The following NRXN3 variants were observed in gnomAD, a reference collection of about 807,000 sequenced individuals.
NRXN3 encodes neurexin 3.
A neutral mutation model predicts 137.6 loss-of-function variants in NRXN3; 32 were observed. The observed-to-expected ratio is 0.23, with a 90% CI of 0.18 to 0.31. NRXN3 has a LOEUF of 0.31. Ranked by LOEUF, NRXN3 falls within the 10% of genes least tolerant of loss-of-function variation. NRXN3 has a pLI of 1.00. For synonymous variants in NRXN3, 798 were observed against 784.5 expected (o/e 1.02, Z -0.29); for missense variants, 1,574 against 2,062.5 (o/e 0.76, Z 4.59).
At position 78,287,986 on chromosome 14, in the gene NRXN3, C is replaced by CT. The variant is rs1272453463; in HGVS notation, c.727+9335dup. 3.5e-3 allele frequency among the ~76,000 whole-genome samples: 510 copies of CT among 145,968 alleles called. 3 individuals carry two copies. Among genetic ancestry groups the CT allele is most frequent in the African/African-American group, 9.9e-3 (398 of 40,030 alleles). The stretch of plus-strand genomic sequence containing the variant: ...TTATAGAGTGGTCTCAGGACTCCCC[C>CT]TTTTTTTTTTTGAGATGGAGTCTTG... On this transcript the variant is annotated intron_variant, in intron 3 of 20. Coordinates refer to ENST00000335750, the MANE Select transcript of NRXN3 (RefSeq NM_001330195.2).
intron 15 of NRXN3, among the ~76,000 whole-genome samples, chr14:79,012,967 A>G (rs2099573591): frequency 6.6e-6 from 1 of 152,144 alleles, no homozygotes; most frequent in African/African-American, 2.4e-5. Context: ...ATTTATAGTA[A>G]TGTTTTTTGA....
In NRXN3 at chr14:79,204,809, G is replaced by A. The variant is rs1196839290; in HGVS notation, c.3262+216668G>A. ...AAGGAAATGAAGGGCATGCATCCAGGTTCCTTTCTAGCTGTCTCCTTAGAA... is the reference window on the plus strand; with the variant it reads ...AAGGAAATGAAGGGCATGCATCCAGATTCCTTTCTAGCTGTCTCCTTAGAA... On this transcript the variant is annotated intron_variant, in intron 15 of 20. Transcript: ENST00000335750. 3.9e-5 allele frequency among the ~76,000 whole-genome samples: 6 copies of A among 152,118 alleles called. No homozygotes were observed. The East Asian group carries it at 9.6e-4, about 24-fold the overall frequency.
At chr14:79,561,686 C>T (rs748461097) in intron 16 of NRXN3, among the ~76,000 whole-genome samples, 1 of 152,010 alleles carries the variant, frequency 6.6e-6, no homozygotes. Context: ...CGTTGCGTTT[C>T]CTCATGCTTT....
chr14:78,702,380 A>G (rs7158053), intron 6 of NRXN3, among the ~76,000 whole-genome samples: 144,905 of 149,124 alleles, frequency 0.97, 70,545 homozygotes, highest in East Asian at 1. Flanking sequence ...TTCTTTTGTT[A>G]TAGCCCTGCC....
chr14:79,080,825 T>C (rs2046843284), intron 15 of NRXN3, among the ~76,000 whole-genome samples: 1 of 152,198 alleles, frequency 6.6e-6, no homozygotes, highest in Non-Finnish European at 1.5e-5. Context: ...CTTTTTCTTT[T>C]GGCAGTTACC....
At chr14:78,562,387 C>T (rs1417759770) in intron 4 of NRXN3, among the ~76,000 whole-genome samples, 1 of 108,742 alleles carries the variant, frequency 9.2e-6, no homozygotes, top group African/African-American at 3.9e-5. Flanking sequence ...CAGAGTGAGA[C>T]TTATATCTCA....
At chr14:78,264,161 C>G (rs2071292586) in intron 2 of NRXN3, among the ~76,000 whole-genome samples, 1 of 152,154 alleles carries the variant, frequency 6.6e-6, no homozygotes, top group African/African-American at 2.4e-5. Context: ...CAGCAGATAT[C>G]TGTTGGGTCA....
At chr14:78,459,639 G>A (rs1307556788) in intron 4 of NRXN3, among the ~76,000 whole-genome samples, 1 of 152,146 alleles carries the variant, frequency 6.6e-6, no homozygotes, top group African/African-American at 2.4e-5. Flanking sequence ...ATTTTTTATT[G>A]GGTGATGGAG....
chr14:78,576,402 G>C (rs879300465), intron 4 of NRXN3, among the ~76,000 whole-genome samples: 2 of 152,104 alleles, frequency 1.3e-5, no homozygotes, highest in Non-Finnish European at 2.9e-5. Context: ...TTAAAAGAGA[G>C]AGATATATAT....
chr14:79,803,970 T>C (rs2099193086), intron 19 of NRXN3, among the ~76,000 whole-genome samples: 1 of 145,054 alleles, frequency 6.9e-6, no homozygotes, highest in African/African-American at 2.6e-5. Context: ...TATATATGTA[T>C]GTATGTATGT....
intron 15 of NRXN3, among the ~76,000 whole-genome samples, chr14:79,021,042 T>TA (rs2152443926): frequency 6.6e-6 from 1 of 152,312 alleles, no homozygotes; most frequent in African/African-American, 2.4e-5. Flanking sequence ...ATTCAGGTAA[T>TA]ACCACAGTGG....
In NRXN3 at chr14:78,709,467, C is replaced by T; in HGVS notation, c.1472C>T (p.Pro491Leu). Residue 491 changes from proline to leucine, a missense_variant, in exon 7 of 21, where the codon CCC becomes CTC. Pro to Leu is a moderately conservative substitution (Grantham distance 98, BLOSUM62 -3). Coordinates refer to ENST00000335750, the MANE Select transcript of NRXN3 (RefSeq NM_001330195.2). ...CTGATCCTCTTCACTCATGGAAAGC[C>T]CCAAGAGAGGAAGGATGCTCGGAGC... ...NGLILFTHGK[P>L]QERKDARSQK... 3.1e-6 allele frequency: 5 copies of T among 1,614,074 alleles called. No individual in the cohort carries two copies. The highest frequency in any genetic ancestry group is 4.2e-6 in the Non-Finnish European group (5 of 1,180,014).
At chr14:78,437,007 C>T (rs1012158089) in intron 4 of NRXN3, among the ~76,000 whole-genome samples, 5 of 152,210 alleles carry the variant, frequency 3.3e-5, no homozygotes, top group African/African-American at 1.2e-4. Flanking sequence ...GTTCTGCAGC[C>T]TTCAGCAAGT....
At chr14:78,572,138 G>C (rs1159632412) in intron 4 of NRXN3, among the ~76,000 whole-genome samples, 5 of 151,974 alleles carry the variant, frequency 3.3e-5, no homozygotes, top group African/African-American at 1.2e-4. Context: ...ACAGAGTTGG[G>C]GTAAAAAAAG....
At chr14:78,270,312 C>T (rs898557892) in intron 2 of NRXN3, among the ~76,000 whole-genome samples, 7 of 152,224 alleles carry the variant, frequency 4.6e-5, no homozygotes, top group African/African-American at 1.7e-4. Flanking sequence ...TGGGACATCT[C>T]ATTTAGGCCA....
intron 16 of NRXN3, among the ~76,000 whole-genome samples, chr14:79,576,989 C>CCA (rs1475111311): frequency 1.6e-4 from 24 of 152,074 alleles, no homozygotes; most frequent in Admixed American, 1.6e-3. Flanking sequence ...GTAATGACTC[C>CCA]CACGTCAAGA....
At chr14:79,166,256 AAGT>A (rs1238857486) in intron 15 of NRXN3, among the ~76,000 whole-genome samples, 2 of 151,918 alleles carry the variant, frequency 1.3e-5, no homozygotes, top group Non-Finnish European at 2.9e-5. Flanking sequence ...AGTAGTTAAA[AAGT>A]AGTACAAATG....
chr14:79,078,618 T>C (rs1026230797), intron 15 of NRXN3, among the ~76,000 whole-genome samples: 4 of 152,228 alleles, frequency 2.6e-5, no homozygotes, highest in Non-Finnish European at 5.9e-5. Context: ...TTATTGACTA[T>C]AGTAACAACT....
chr14:78,917,632 A>G (rs577839018), intron 10 of NRXN3, among the ~76,000 whole-genome samples: 81 of 151,990 alleles, frequency 5.3e-4, no homozygotes, highest in Middle Eastern at 3.4e-3. Flanking sequence ...AAGGTGTAGA[A>G]GAGTGTTGGT....
Sources: gnomAD v4.1 joint callset for allele counts (sites outside exome capture counted in the v4.1 genomes callset) on GRCh38, gnomAD v4.1.1 for gene constraint, MANE v1.5 for transcripts, NCBI Gene and HGNC (gene_info 2026-07-23, HGNC 2026-07-21) for gene names.